The following ITGA10 variants were observed in gnomAD, a reference collection of about 807,000 sequenced individuals.
ITGA10 encodes integrin alpha-10.
Under a neutral mutation model 145.2 loss-of-function variants are expected in ITGA10, and 105 were observed. That is an observed-to-expected ratio of 0.72 (90% CI 0.62 to 0.85). ITGA10 has a LOEUF of 0.85. ITGA10 is among the 40% of genes least tolerant of loss of function. The pLI, the probability that ITGA10 is intolerant of heterozygous loss-of-function variation, is 0.00. For synonymous variants in ITGA10, 506 were observed against 557.8 expected, an observed-to-expected ratio of 0.91 and a Z score of 1.31; for missense variants, 1,317 against 1,444.5, an observed-to-expected ratio of 0.91 and a Z score of 1.43.
At chr1:145,895,172 G>T in intron 27 of ITGA10, 108 bp downstream of exon 27, 1 of 719,682 alleles carries the variant, frequency 1.4e-6, no homozygotes, top group South Asian at 1.7e-5. Context: ...CAAATAGCTA[G>T]TAAGAGGCAA....
chr1:145,900,879 C>G lies in ITGA10; in HGVS notation c.1702G>C (p.Ala568Pro). The G allele has an allele frequency of 6.2e-7, 1 of 1,614,122 alleles. No individual in the cohort carries two copies. The highest frequency in any genetic ancestry group is 8.5e-7 in the Non-Finnish European group (1 of 1,180,032). ...DLNQDGFADV[A>P]VGAPLEDGHQ... is the part of the protein sequence containing the mutation. Reference sequence around the variant, plus strand: ...CCATCTTCCAGAGGCGCCCCCACAGCCACATCAGCAAAACCATCTTGGTTC... The same window carrying G: ...CCATCTTCCAGAGGCGCCCCCACAGGCACATCAGCAAAACCATCTTGGTTC... The change falls in exon 14 of 30, where the codon GCT becomes CCT. Residue 568 changes from alanine to proline, a missense_variant. Ala to Pro is a conservative substitution (Grantham distance 27). Coordinates refer to ENST00000369304, the MANE Select transcript of ITGA10 (RefSeq NM_003637.5).
Position 145,897,603 on chromosome 1 carries a change from G to C in ITGA10, c.2483C>G (p.Thr828Arg). 6.2e-7 allele frequency: 1 copy of C among 1,614,126 alleles called. No individual in the cohort carries two copies. Among genetic ancestry groups the C allele is most frequent in the Non-Finnish European group, 8.5e-7 (1 of 1,180,014 alleles). Residue 828 changes from threonine (T) to arginine (R), a missense_variant, in exon 20 of 30, where the codon ACA becomes AGA. Transcript: ENST00000369304. Reference sequence around the variant, plus strand: ...ATTTTCCTTTCTGTTCTCCAGAGTTGTAGATACCAGCACTTTCCGCCGGCC... The same window carrying C: ...ATTTTCCTTTCTGTTCTCCAGAGTTCTAGATACCAGCACTTTCCGCCGGCC... ...RGGRRKVLVS[T>R]TLENRKENAY...
chr1:145,904,762 G>C lies in ITGA10; in HGVS notation c.531C>G (p.Ser177Arg). 6.2e-7 allele frequency: 1 copy of C among 1,613,898 alleles called. No individual in the cohort carries two copies. ...DVVIVLDGSN[S>R]IYPWSEVQTF... ...TCTGAACTTCAGACCAGGGGTAGAT[G>C]CTGTTGGAGCCATCCAAGACAATGA... The change falls in exon 6 of 30, where the codon AGC becomes AGG. Residue 177 changes from serine to arginine, a missense_variant. By Grantham distance (110) the Ser-to-Arg change is moderately radical. Coordinates refer to ENST00000369304, the MANE Select transcript of ITGA10 (RefSeq NM_003637.5).
At chr1:145,897,709 T>C in intron 19 of ITGA10, 56 bp from the exon 20 acceptor site, 2 of 1,613,036 alleles carry the variant, frequency 1.2e-6, no homozygotes, top group Non-Finnish European at 1.7e-6. Context: ...GTGCCAAAAG[T>C]CTCACTTTTG....
chr1:145,904,249 G>A (rs1421728070), intron 6 of ITGA10, 49 bp from the exon 7 acceptor site: 2 of 1,582,264 alleles, frequency 1.3e-6, no homozygotes, highest in Non-Finnish European at 1.7e-6. Context: ...GAGATGGGGG[G>A]AGAGGAGGAA....
In ITGA10 at chr1:145,904,032, C is replaced by T. The variant is rs1553750174; in HGVS notation, c.758+20G>A. The stretch of plus-strand genomic sequence containing the variant: ...CCTTCATTGCTCTAGCCTCCCACAC[C>T]TGTCTTCCCAATGCCTCACCAGGCC... On this transcript the variant is annotated intron_variant, in intron 7 of 29. Transcript: ENST00000369304. The T allele has an allele frequency of 3.1e-6, 5 of 1,613,368 alleles. No homozygotes were observed. The highest frequency in any genetic ancestry group is 1.7e-5 in the Admixed American group (1 of 59,994).
In ITGA10 at chr1:145,907,038, C is replaced by G; in HGVS notation, c.274+3G>C. 6.5e-7 allele frequency: 1 copy of G among 1,537,248 alleles called. No homozygotes were observed. The highest frequency in any genetic ancestry group is 8.8e-7 in the Non-Finnish European group (1 of 1,134,994). ...GGAGGAGAAGGGTCAGGCATCTTCT[C>G]ACCTAAGTGGCCCTTGGCACATGGG... On this transcript the variant is annotated splice_donor_region_variant and intron_variant, in intron 3 of 29. Coordinates refer to ENST00000369304, the MANE Select transcript of ITGA10 (RefSeq NM_003637.5).
chr1:145,902,068 A>G lies in ITGA10; in HGVS notation c.1150-47T>C, dbSNP rs587605703. ...GGTCACTGAGAAGACAGTGGGGAAT[A>G]AAGAGAAAAAAAACGTTCCAGGAGT... On this transcript the variant is annotated intron_variant, in intron 10 of 29. Coordinates refer to ENST00000369304, the MANE Select transcript of ITGA10 (RefSeq NM_003637.5). The G allele has an allele frequency of 1.5e-5, 24 of 1,590,110 alleles. No homozygotes were observed. In the South Asian group the frequency reaches 2.3e-4, roughly 15 times the overall value.
At chr1:145,903,216 A>G (rs782234261) in intron 7 of ITGA10, among the ~76,000 whole-genome samples, 4 of 152,136 alleles carry the variant, frequency 2.6e-5, no homozygotes, top group Non-Finnish European at 5.9e-5. Context: ...AAATAAGTAC[A>G]ACGTTCATAC....
intron 18 of ITGA10, 85 bp from the exon 19 acceptor site, chr1:145,897,985 G>A: frequency 7.4e-7 from 1 of 1,343,872 alleles, no homozygotes; most frequent in Non-Finnish European, 1.1e-6. Flanking sequence ...AGACAAAAGT[G>A]GGTATATTTT....
rs980778801 is a variant in ITGA10 at position 145,907,533 on chromosome 1, T to C, written c.53-68A>G. On this transcript the variant is annotated intron_variant, in intron 1 of 29. Coordinates refer to ENST00000369304, the MANE Select transcript of ITGA10 (RefSeq NM_003637.5). ...GCTAGAGGCACAGCCCGAGAGAAGCTGTGAGGAAGCGTCTTAATCTCAGTC... is the reference window on the plus strand; with the variant it reads ...GCTAGAGGCACAGCCCGAGAGAAGCCGTGAGGAAGCGTCTTAATCTCAGTC... 3.1e-6 allele frequency: 5 copies of C among 1,599,194 alleles called. No individual in the cohort carries two copies. The Admixed American group carries it at 7.0e-5, about 22-fold the overall frequency.
At position 145,892,619 on chromosome 1, in the gene ITGA10, G is replaced by A. The variant is rs1304820355; in HGVS notation, c.*179C>T. 3.7e-6 allele frequency: 2 copies of A among 546,132 alleles called. No individual in the cohort carries two copies. Among genetic ancestry groups the A allele is most frequent in the Non-Finnish European group, 6.5e-6 (2 of 306,262 alleles). 33.8% of individuals were successfully genotyped at this position (546,132 alleles called of 1,614,324 possible). ...TTTGGTGCCAGCTCTTCTTGTCTGA[G>A]GTAAAGCCTCATCTCTAGCCAGCAG... is the stretch of plus-strand genomic sequence containing the variant. On this transcript the variant is annotated 3_prime_UTR_variant, in exon 30 of 30. Coordinates refer to ENST00000369304, the MANE Select transcript of ITGA10 (RefSeq NM_003637.5).
chr1:145,908,881 G>A (rs782661429), intron 1 of ITGA10, among the ~76,000 whole-genome samples: 1 of 152,022 alleles, frequency 6.6e-6, no homozygotes, highest in Non-Finnish European at 1.5e-5. Context: ...CAGGCCCCAG[G>A]GACCACCAAG....
At chr1:145,904,372 TTC>T (rs781805741) in intron 6 of ITGA10, among the ~76,000 whole-genome samples, 172 bp from the exon 7 acceptor site, 1 of 151,888 alleles carries the variant, frequency 6.6e-6, no homozygotes, top group East Asian at 1.9e-4. Context: ...CATATTGCCT[TTC>T]TCTCTCTCTC....
chr1:145,909,947 A>G lies in ITGA10; in HGVS notation c.52+16T>C, dbSNP rs781869406. ...CTTCCATCCCCACCAGAAACCAAGA[A>G]GTTAACTTCCCTCACCTGTCAGGAA... On this transcript the variant is annotated intron_variant, in intron 1 of 29. Coordinates refer to ENST00000369304, the MANE Select transcript of ITGA10 (RefSeq NM_003637.5). 6.2e-7 allele frequency: 1 copy of G among 1,609,988 alleles called. No individual in the cohort carries two copies. Among genetic ancestry groups the G allele is most frequent in the South Asian group, 1.1e-5 (1 of 91,008 alleles).
chr1:145,909,681 TTATA>T (rs1481171483), intron 1 of ITGA10, among the ~76,000 whole-genome samples: 1 of 77,076 alleles, frequency 1.3e-5, no homozygotes, highest in Non-Finnish European at 2.8e-5. Flanking sequence ...TATATGTATA[TTATA>T]TATAATATAT....
chr1:145,907,525 A>G (rs1194384703), intron 1 of ITGA10, 60 bp from the exon 2 acceptor site: 87 of 1,604,114 alleles, frequency 5.4e-5, no homozygotes, highest in Non-Finnish European at 4.2e-5. Flanking sequence ...GCACAGCCCG[A>G]GAGAAGCTGT....
rs199978024 is a variant in ITGA10, at chr1:145,904,214, G to T, written c.610-14C>A. ...TACCAGTCCCACCTGGGAATAAAGC[G>T]CATTCAAATGAAATGTATGTATGTG... is the stretch of plus-strand genomic sequence containing the variant. On this transcript the variant is annotated splice_polypyrimidine_tract_variant and intron_variant, in intron 6 of 29. Coordinates refer to ENST00000369304, the MANE Select transcript of ITGA10 (RefSeq NM_003637.5). 1 of 1,613,458 alleles carries T rather than the reference G, an allele frequency of 6.2e-7. No individual in the cohort carries two copies. Among genetic ancestry groups the T allele is most frequent in the Non-Finnish European group, 8.5e-7 (1 of 1,179,416 alleles).
At chr1:145,895,827 CT>C in intron 25 of ITGA10, 116 bp from the exon 26 acceptor site, 1 of 1,074,088 alleles carries the variant, frequency 9.3e-7, no homozygotes, top group South Asian at 1.4e-5. Flanking sequence ...CCTTTTTCTT[CT>C]CTCTAATAAG....
Sources: gnomAD v4.1 joint callset for allele counts (sites outside exome capture counted in the v4.1 genomes callset) on GRCh38, gnomAD v4.1.1 for gene constraint, MANE v1.5 for transcripts, NCBI Gene and HGNC (gene_info 2026-07-23, HGNC 2026-07-21) for gene names.